The following KIAA0825 variants were observed in gnomAD, a reference collection of about 807,000 sequenced individuals.
KIAA0825 encodes KIAA0825.
In KIAA0825, 119 loss-of-function variants were observed where a neutral mutation model predicts 147.6. The observed-to-expected ratio is 0.81, with a 90% confidence interval of 0.69 to 0.94. KIAA0825 has a LOEUF of 0.94. Ranked by LOEUF, KIAA0825 falls within the 40% of genes least tolerant of loss-of-function variation. The pLI is 0.00. For missense variants in KIAA0825, 1,381 were observed against 1,472.7 expected (o/e 0.94, Z 1.02); for synonymous variants, 470 against 518.1 (o/e 0.91, Z 1.26).
chr5:94,579,543 T>C (rs906861591), intron 2 of KIAA0825, among the ~76,000 whole-genome samples: 2 of 152,226 alleles, frequency 1.3e-5, no homozygotes, highest in African/African-American at 4.8e-5. Flanking sequence ...AACATCACCG[T>C]ACAATGAAGG....
intron 20 of KIAA0825, among the ~76,000 whole-genome samples, chr5:94,296,777 C>G (rs1260809647): frequency 1.3e-5 from 2 of 152,102 alleles, no homozygotes; most frequent in African/African-American, 4.8e-5. Flanking sequence ...GTTGGAAGTG[C>G]AGAAATCACC....
chr5:94,383,085 T>C (rs1748639566), intron 20 of KIAA0825, among the ~76,000 whole-genome samples: 1 of 152,120 alleles, frequency 6.6e-6, no homozygotes, highest in Non-Finnish European at 1.5e-5. Context: ...TCCTCTCACC[T>C]CTCCAAATAT....
At chr5:94,277,840 A>G (rs2150150843) in intron 20 of KIAA0825, among the ~76,000 whole-genome samples, 1 of 152,328 alleles carries the variant, frequency 6.6e-6, no homozygotes, top group East Asian at 1.9e-4. Context: ...CACTATTACA[A>G]TAGCAAAGAC....
At chr5:94,347,225 C>G (rs1221792812) in intron 20 of KIAA0825, among the ~76,000 whole-genome samples, 1 of 152,184 alleles carries the variant, frequency 6.6e-6, no homozygotes, top group East Asian at 1.9e-4. Flanking sequence ...CCCTACCCAC[C>G]CTAGTAGCAG....
At chr5:94,614,670 C>CT (rs903259045) in intron 1 of KIAA0825, among the ~76,000 whole-genome samples, 3 of 152,024 alleles carry the variant, frequency 2.0e-5, no homozygotes, top group Admixed American at 1.3e-4. Context: ...TCAATATTAC[C>CT]TTTTTTATGA....
rs187216173 is a variant in KIAA0825, at chr5:94,295,719, C to T, written c.3710+88649G>A. Among the ~76,000 whole-genome samples, 26 of 152,312 alleles carry T rather than the reference C, an allele frequency of 1.7e-4. No homozygotes were observed. In the South Asian group the frequency reaches 2.3e-3, roughly 13 times the overall value. ...TGCTGGAGTTTGCTGGAGGTCCAGT[C>T]CAGACCCTGTTTGACTAGGTATCAC... On this transcript the variant is annotated intron_variant, in intron 20 of 20. Transcript: ENST00000682413.
intron 20 of KIAA0825, among the ~76,000 whole-genome samples, chr5:94,291,807 C>A (rs1777909227): frequency 6.6e-6 from 1 of 152,110 alleles, no homozygotes; most frequent in African/African-American, 2.4e-5. Flanking sequence ...GTTTGTAGTT[C>A]TCCTTGAAGA....
intron 5 of KIAA0825, among the ~76,000 whole-genome samples, chr5:94,507,863 A>C (rs1562570757): frequency 6.6e-6 from 1 of 152,186 alleles, no homozygotes; most frequent in Non-Finnish European, 1.5e-5. Context: ...TTTGAAGTAA[A>C]TTTCCAAAGT....
At chr5:94,345,849 C>G (rs1782922862) in intron 20 of KIAA0825, among the ~76,000 whole-genome samples, 1 of 151,974 alleles carries the variant, frequency 6.6e-6, no homozygotes, top group South Asian at 2.1e-4. Flanking sequence ...AATTCCTGTC[C>G]CTCTTAAGGG....
At chr5:94,539,005 A>G (rs1772708193) in intron 2 of KIAA0825, among the ~76,000 whole-genome samples, 1 of 152,240 alleles carries the variant, frequency 6.6e-6, no homozygotes, top group Non-Finnish European at 1.5e-5. Context: ...TCATTCCCAG[A>G]TGGTTAAGGC....
intron 13 of KIAA0825, among the ~76,000 whole-genome samples, chr5:94,447,407 GA>G (rs914392334): frequency 2.6e-5 from 4 of 152,058 alleles, no homozygotes; most frequent in African/African-American, 9.7e-5. Flanking sequence ...AGGAAAGAAA[GA>G]AGACAAAAGT....
At chr5:94,537,178 A>T (rs764333763) in intron 2 of KIAA0825, 51 bp from the exon 3 acceptor site, 1 of 1,505,172 alleles carries the variant, frequency 6.6e-7, no homozygotes, top group South Asian at 1.2e-5. Flanking sequence ...CACAATGGCC[A>T]GGGATAGGGG....
intron 20 of KIAA0825, among the ~76,000 whole-genome samples, chr5:94,359,307 G>A (rs2150396741): frequency 6.6e-6 from 1 of 152,256 alleles, no homozygotes; most frequent in Non-Finnish European, 1.5e-5. Flanking sequence ...CTAAGGCTAA[G>A]TACCATAGGT....
chr5:94,253,463 A>G (rs922955653), intron 20 of KIAA0825, among the ~76,000 whole-genome samples: 1 of 152,170 alleles, frequency 6.6e-6, no homozygotes. Context: ...TTTAATTTCC[A>G]TCTTTTTTTA....
At chr5:94,399,997 T>G (rs1364600077) in intron 16 of KIAA0825, among the ~76,000 whole-genome samples, 2 of 152,092 alleles carry the variant, frequency 1.3e-5, no homozygotes, top group Admixed American at 6.6e-5. Context: ...AAGTTCTAAG[T>G]TCAGTTTGTT....
chr5:94,404,846 T>C (rs1323777941), intron 15 of KIAA0825, among the ~76,000 whole-genome samples: 1 of 152,206 alleles, frequency 6.6e-6, no homozygotes, highest in Admixed American at 6.5e-5. Context: ...ATTAAAAATA[T>C]AGACACTTTA....
intron 20 of KIAA0825, among the ~76,000 whole-genome samples, chr5:94,178,247 C>G (rs1298208272): frequency 6.6e-6 from 1 of 151,860 alleles, no homozygotes; most frequent in African/African-American, 2.4e-5. Context: ...AATTACTAAC[C>G]TTTTTTCTCT....
chr5:94,587,952 C>T (rs1366619062), intron 1 of KIAA0825, among the ~76,000 whole-genome samples: 1 of 152,152 alleles, frequency 6.6e-6, no homozygotes, highest in Non-Finnish European at 1.5e-5. Context: ...GAAAGGATTC[C>T]CTATTTAATA....
At chr5:94,437,396 T>C (rs1192083991) in intron 14 of KIAA0825, among the ~76,000 whole-genome samples, 1 of 152,194 alleles carries the variant, frequency 6.6e-6, no homozygotes, top group East Asian at 1.9e-4. Flanking sequence ...TAAAATTCAA[T>C]ACAAGACAAT....
Sources: gnomAD v4.1 joint callset for allele counts (sites outside exome capture counted in the v4.1 genomes callset) on GRCh38, gnomAD v4.1.1 for gene constraint, MANE v1.5 for transcripts, NCBI Gene and HGNC (gene_info 2026-07-23, HGNC 2026-07-21) for gene names.